YPEL1: variants seen among roughly 807,000 people sequenced by gnomAD.
The protein encoded by YPEL1 is yippee like 1.
In YPEL1, 7 loss-of-function variants were observed where a neutral mutation model predicts 17.3. That is an observed-to-expected ratio of 0.40 (90% CI 0.23 to 0.76). The LOEUF (loss-of-function observed/expected upper bound fraction) is 0.76, where lower values mean the gene tolerates loss of function less well. Ranked by LOEUF, YPEL1 falls within the 30% of genes least tolerant of loss-of-function variation. The pLI is 0.35. For missense variants in YPEL1, 91 were observed against 155.5 expected (o/e 0.59, Z 2.21); for synonymous variants, 59 against 59.6 (o/e 0.99, Z 0.05).
intron 1 of YPEL1, 88 bp from the exon 2 acceptor site, chr22:21,710,996 C>A (rs1569060425): frequency 4.4e-6 from 2 of 456,250 alleles, no homozygotes; most frequent in East Asian, 3.7e-5. Flanking sequence ...TGTGAAGCAA[C>A]ACGCGGGGTG....
rs761640699 is a variant in YPEL1 at position 21,703,330 on chromosome 22, A to ACATCCCCTTGTGGCACGAG, written c.270+21_270+39dup. On this transcript the variant is annotated intron_variant, in intron 4 of 4. Transcript: ENST00000339468. The surrounding 1 kb of genome is among the most constrained non-coding windows in gnomAD (Gnocchi z 6.1). Reference sequence around the variant, plus strand: ...TGTGGCTCAGTGGCAACTTAGTGCCACATCCCCTTGTGGCACGAGCATCCC... The same window carrying ACATCCCCTTGTGGCACGAG: ...TGTGGCTCAGTGGCAACTTAGTGCCACATCCCCTTGTGGCACGAGCATCCCCTTGTGGCACGAGCATCCC... The ACATCCCCTTGTGGCACGAG allele has an allele frequency of 4.5e-5, 71 of 1,585,306 alleles. No homozygotes were observed. In the Middle Eastern group the frequency reaches 5.0e-4, roughly 11 times the overall value.
At position 21,710,769 on chromosome 22, in the gene YPEL1, C is replaced by A; in HGVS notation, c.-25G>T. The A allele has an allele frequency of 6.2e-7, 1 of 1,602,676 alleles. No individual in the cohort carries two copies. Among genetic ancestry groups the A allele is most frequent in the Non-Finnish European group, 8.5e-7 (1 of 1,169,624 alleles). ...TCTCTCCTGGGCACTCCTCACTCAG[C>A]TCAGGGCTGGTTCTGGAAGAACCGT... is the stretch of plus-strand genomic sequence containing the variant. On this transcript the variant is annotated 5_prime_UTR_variant, in exon 2 of 5. Transcript: ENST00000339468.
intron 1 of YPEL1, among the ~76,000 whole-genome samples, chr22:21,731,549 A>AAC (rs1477028398): frequency 3.3e-5 from 5 of 151,658 alleles, no homozygotes; most frequent in South Asian, 2.1e-4. Flanking sequence ...GAAAAAAAAA[A>AAC]AAAAAAACAG....
chr22:21,701,869 A>G (rs1246921013), intron 4 of YPEL1, among the ~76,000 whole-genome samples: 1 of 152,276 alleles, frequency 6.6e-6, no homozygotes, highest in East Asian at 1.9e-4. Context: ...AGACAAGCCT[A>G]CGCAACACAG....
chr22:21,724,889 A>C (rs1200179615), intron 1 of YPEL1, among the ~76,000 whole-genome samples: 3 of 151,726 alleles, frequency 2.0e-5, no homozygotes, highest in African/African-American at 7.3e-5. Flanking sequence ...TAAGAAAATA[A>C]AATTTTATTT....
chr22:21,728,129 G>A (rs2068353390), intron 1 of YPEL1, among the ~76,000 whole-genome samples: 1 of 152,160 alleles, frequency 6.6e-6, no homozygotes, highest in Admixed American at 6.5e-5. Context: ...AGGATATCAT[G>A]GTCCACCTCT....
intron 1 of YPEL1, among the ~76,000 whole-genome samples, chr22:21,719,824 A>G (rs1178688101): frequency 6.6e-6 from 1 of 152,008 alleles, no homozygotes; most frequent in East Asian, 1.9e-4. Context: ...TCAGGAGTTC[A>G]AGACCAGCCT....
chr22:21,720,819 T>TTG (rs1555905003), intron 1 of YPEL1, among the ~76,000 whole-genome samples: 1 of 149,920 alleles, frequency 6.7e-6, no homozygotes, highest in African/African-American at 2.5e-5. Context: ...TTTTGTTTTT[T>TTG]TTTTTTTTTT....
intron 1 of YPEL1, among the ~76,000 whole-genome samples, chr22:21,723,442 A>G (rs530240312): frequency 6.6e-6 from 1 of 152,292 alleles, no homozygotes; most frequent in Admixed American, 6.5e-5. Context: ...ATCTCGGTTC[A>G]CTGCAGTCTC....
intron 2 of YPEL1, 185 bp from the exon 3 acceptor site, chr22:21,704,067 G>A (rs1448034393): frequency 1.4e-6 from 1 of 735,628 alleles, no homozygotes; most frequent in Non-Finnish European, 2.5e-6. Context: ...GGAGCTGCAA[G>A]CTGTTTTTCA....
chr22:21,709,476 G>A (rs1431825730), intron 2 of YPEL1, among the ~76,000 whole-genome samples: 1 of 152,124 alleles, frequency 6.6e-6, no homozygotes, highest in Non-Finnish European at 1.5e-5. Flanking sequence ...AGTTAAACAG[G>A]AAACCTAAGA....
rs1242537596 is a variant in YPEL1, at chr22:21,704,148, G to A, written c.118-266C>T. ...TGACTATTATTGGGAATCATGGCAA[G>A]ATCAGTTTTTAAATGGTGAGCTTCA... On this transcript the variant is annotated intron_variant, in intron 2 of 4. Transcript: ENST00000339468. The A allele has an allele frequency of 5.6e-6, 4 of 718,338 alleles. No individual in the cohort carries two copies. The Admixed American group carries it at 6.0e-5, about 11-fold the overall frequency. The allele number at this position is 718,338 out of a possible 1,614,324, so 44.5% of individuals were successfully genotyped here.
At chr22:21,721,526 C>A (rs916649498) in intron 1 of YPEL1, among the ~76,000 whole-genome samples, 1 of 151,530 alleles carries the variant, frequency 6.6e-6, no homozygotes, top group African/African-American at 2.4e-5. Flanking sequence ...TGGGTTCAAG[C>A]GATTCTCCTG....
chr22:21,723,952 C>T (rs1236824636), intron 1 of YPEL1, among the ~76,000 whole-genome samples: 9 of 152,154 alleles, frequency 5.9e-5, no homozygotes, highest in Admixed American at 5.9e-4. Flanking sequence ...CAGGTGTGAG[C>T]CACCACGCCT....
chr22:21,717,417 A>T (rs1276534503), intron 1 of YPEL1, among the ~76,000 whole-genome samples: 1 of 151,854 alleles, frequency 6.6e-6, no homozygotes, highest in Non-Finnish European at 1.5e-5. Flanking sequence ...GGAAGGTGGA[A>T]ATATGAGTCT....
intron 1 of YPEL1, among the ~76,000 whole-genome samples, chr22:21,732,240 C>A (rs920472546): frequency 4.6e-5 from 7 of 152,322 alleles, no homozygotes; most frequent in Non-Finnish European, 8.8e-5. Context: ...GCTCCAAAAA[C>A]CCTTAGCCCT....
At chr22:21,729,632 A>G (rs1366144418) in intron 1 of YPEL1, among the ~76,000 whole-genome samples, 1 of 152,114 alleles carries the variant, frequency 6.6e-6, no homozygotes, top group East Asian at 1.9e-4. Flanking sequence ...AAATTTAAGA[A>G]GTTGACAACA....
chr22:21,702,954 C>T (rs1468600147), intron 4 of YPEL1, among the ~76,000 whole-genome samples: 1 of 152,170 alleles, frequency 6.6e-6, no homozygotes, highest in African/African-American at 2.4e-5. Context: ...CATGGGGCAG[C>T]TCTCTGTCTC....
chr22:21,717,262 G>C (rs984524344), intron 1 of YPEL1, among the ~76,000 whole-genome samples: 5 of 151,886 alleles, frequency 3.3e-5, no homozygotes, highest in African/African-American at 1.2e-4. Context: ...TGTAGTCTCA[G>C]CTACTCAGGA....
Sources: gnomAD v4.1 joint callset for allele counts (sites outside exome capture counted in the v4.1 genomes callset) on GRCh38, gnomAD v4.1.1 for gene constraint, Gnocchi (gnomAD v3.1) non-coding constraint, MANE v1.5 for transcripts, NCBI Gene and HGNC (gene_info 2026-07-23, HGNC 2026-07-21) for gene names.